The following FAM81A variants were observed in gnomAD, a reference collection of about 807,000 sequenced individuals.
FAM81A encodes the protein family with sequence similarity 81 member A.
In FAM81A, 19 loss-of-function variants were observed where a neutral mutation model predicts 46.7. The observed-to-expected ratio is 0.41, with a 90% CI of 0.28 to 0.60. FAM81A has a LOEUF of 0.60. Ranked by LOEUF, FAM81A falls within the 20% of genes least tolerant of loss-of-function variation. The probability of loss-of-function intolerance (pLI) is 0.34; values close to 1 mark genes in which losing one functional copy is unlikely to be tolerated. For synonymous variants in FAM81A, 183 were observed against 152.9 expected (o/e 1.20, Z -1.45); for missense variants, 377 against 453.5 (o/e 0.83, Z 1.53).
At chr15:59,466,879 T>C (rs1283730075) in intron 3 of FAM81A, among the ~76,000 whole-genome samples, 2 of 152,192 alleles carry the variant, frequency 1.3e-5, no homozygotes, top group Non-Finnish European at 1.5e-5. Context: ...GAATTAGTTT[T>C]TGTATAAGGT....
intron 3 of FAM81A, among the ~76,000 whole-genome samples, chr15:59,466,498 C>T (rs1418288921): frequency 7.2e-5 from 11 of 152,098 alleles, no homozygotes; most frequent in Non-Finnish European, 1.6e-4. Context: ...GCTGCATAGA[C>T]GTCTTCTTTT....
intron 7 of FAM81A, 75 bp downstream of exon 7, chr15:59,514,499 A>G: frequency 2.0e-6 from 3 of 1,487,624 alleles, no homozygotes; most frequent in Non-Finnish European, 9.0e-7. Flanking sequence ...AATAATACCT[A>G]GTAATTTATC....
chr15:59,485,232 C>T (rs2081903152), intron 3 of FAM81A, among the ~76,000 whole-genome samples: 1 of 152,222 alleles, frequency 6.6e-6, no homozygotes, highest in Non-Finnish European at 1.5e-5. Context: ...GGCTTCACCA[C>T]TTGCTGATTG....
intron 1 of FAM81A, among the ~76,000 whole-genome samples, chr15:59,442,834 TAC>T (rs1217184624): frequency 6.6e-6 from 1 of 152,240 alleles, no homozygotes; most frequent in Non-Finnish European, 1.5e-5. Context: ...CACATATGTA[TAC>T]ACACACACAA....
chr15:59,402,845 C>T (rs547136189), intron 2 of FAM81A, among the ~76,000 whole-genome samples: 30 of 152,278 alleles, frequency 2.0e-4, no homozygotes, highest in Non-Finnish European at 3.4e-4. Flanking sequence ...TGAGCCACCA[C>T]GCCCGGCCTC....
At chr15:59,467,164 T>G (rs761396949) in intron 3 of FAM81A, among the ~76,000 whole-genome samples, 1 of 152,202 alleles carries the variant, frequency 6.6e-6, no homozygotes, top group African/African-American at 2.4e-5. Flanking sequence ...TTGTTCTTTT[T>G]GCTTAGGATT....
chr15:59,522,387 C>T lies in FAM81A; in HGVS notation c.*1009C>T, dbSNP rs1429783999. On this transcript the variant is annotated 3_prime_UTR_variant, in exon 9 of 9. Coordinates refer to ENST00000288228, the MANE Select transcript of FAM81A (RefSeq NM_152450.3). The stretch of plus-strand genomic sequence containing the variant: ...AAGTATGATGTAAAACTGGAATCCT[C>T]TGTATTTTTTAAATGTTCTAAAAAT... 1 of 152,618 alleles carries T rather than the reference C, an allele frequency of 6.6e-6. No individual in the cohort carries two copies. Among genetic ancestry groups the T allele is most frequent in the Non-Finnish European group, 1.5e-5 (1 of 68,032 alleles). 9.5% of individuals were successfully genotyped at this position (152,618 alleles called of 1,614,324 possible). A position where few individuals can be genotyped will look rare whatever the true frequency, so the allele number is the denominator to read the frequency against.
rs1209047907 is a variant in FAM81A at position 59,523,229 on chromosome 15, G to C, written c.*1851G>C. On this transcript the variant is annotated 3_prime_UTR_variant, in exon 9 of 9. Coordinates refer to ENST00000288228, the MANE Select transcript of FAM81A (RefSeq NM_152450.3). ...CTTGGCTGTCAGCTGAGCTTCTCAG[G>C]TGCTTCTGACATTGCCAGCCCCTTG... 1 of 152,264 alleles carries C rather than the reference G, an allele frequency of 6.6e-6. No individual in the cohort carries two copies. The highest frequency in any genetic ancestry group is 1.5e-5 in the Non-Finnish European group (1 of 68,070). The allele number at this position is 152,264 out of a possible 1,614,324, so 9.4% of individuals were successfully genotyped here.
intron 3 of FAM81A, among the ~76,000 whole-genome samples, chr15:59,479,465 T>G (rs1332429144): frequency 2.1e-5 from 3 of 143,648 alleles, no homozygotes; most frequent in Non-Finnish European, 3.0e-5. Context: ...GAGCTGAGAT[T>G]GTGCCATTGC....
chr15:59,492,187 T>A, intron 3 of FAM81A, 84 bp from the exon 4 acceptor site: 1 of 997,932 alleles, frequency 1.0e-6, no homozygotes, highest in Non-Finnish European at 1.5e-6. Context: ...TTAAACATTC[T>A]TATTTTTGCC....
At chr15:59,434,524 C>T (rs935476754), upstream of FAM81A, among the ~76,000 whole-genome samples, 2 of 152,216 alleles carry the variant, frequency 1.3e-5, no homozygotes, top group Non-Finnish European at 2.9e-5. Context: ...TTCTGCAGGA[C>T]TTGTCCCCTG....
chr15:59,449,955 G>A (rs1326186210), intron 1 of FAM81A, among the ~76,000 whole-genome samples: 2 of 149,176 alleles, frequency 1.3e-5, no homozygotes, highest in Non-Finnish European at 3.0e-5. Context: ...AAAATCTCAC[G>A]CTGTTGCCCA....
intron 1 of FAM81A, among the ~76,000 whole-genome samples, chr15:59,441,728 T>A (rs1451350941): frequency 1.3e-5 from 2 of 152,210 alleles, no homozygotes; most frequent in Non-Finnish European, 2.9e-5. Context: ...CCTCTGTATC[T>A]CCCTGTCTCC....
intron 4 of FAM81A, among the ~76,000 whole-genome samples, chr15:59,496,032 C>T (rs1375644498): frequency 6.6e-6 from 1 of 152,120 alleles, no homozygotes; most frequent in African/African-American, 2.4e-5. Context: ...TTATATCTAA[C>T]ATCTATCTTT....
intron 3 of FAM81A, among the ~76,000 whole-genome samples, chr15:59,485,411 CAAAG>C (rs2081905863): frequency 6.6e-6 from 1 of 152,128 alleles, no homozygotes; most frequent in Non-Finnish European, 1.5e-5. Flanking sequence ...TAGCTCAGCA[CAAAG>C]AAAGAAAGAC....
intron 8 of FAM81A, 71 bp from the exon 9 acceptor site, chr15:59,521,183 A>G: frequency 6.5e-7 from 1 of 1,529,556 alleles, no homozygotes; most frequent in Non-Finnish European, 8.8e-7. Context: ...AACCATTACT[A>G]GATACTATAG....
chr15:59,473,000 G>C (rs1473527624), intron 3 of FAM81A, among the ~76,000 whole-genome samples: 1 of 152,096 alleles, frequency 6.6e-6, no homozygotes, highest in African/African-American at 2.4e-5. Context: ...CAAAATTGAA[G>C]AACCCCAACT....
rs748310074 is a variant in FAM81A, at chr15:59,514,279, T to G, written c.651-10T>G. Reference sequence around the variant, plus strand: ...TGTTTTACATCTAACTTGCAATTTTTTTTTTTTAGATTTAAAGGTACAGTT... The same window carrying G: ...TGTTTTACATCTAACTTGCAATTTTGTTTTTTTAGATTTAAAGGTACAGTT... On this transcript the variant is annotated splice_polypyrimidine_tract_variant and intron_variant, in intron 6 of 8. Transcript: ENST00000288228. 3.2e-6 allele frequency: 5 copies of G among 1,561,122 alleles called. No homozygotes were observed. In the South Asian group the frequency reaches 4.9e-5, roughly 15 times the overall value.
chr15:59,441,887 C>A (rs1371805267), intron 1 of FAM81A, among the ~76,000 whole-genome samples: 1 of 152,206 alleles, frequency 6.6e-6, no homozygotes, highest in Non-Finnish European at 1.5e-5. Context: ...ACCTCTGAGC[C>A]CGCAGTAGTA....
Sources: allele counts gnomAD v4.1 joint callset (sites outside exome capture counted in the v4.1 genomes callset), GRCh38; gene constraint gnomAD v4.1.1; transcripts MANE v1.5; gene names NCBI Gene and HGNC (gene_info 2026-07-23, HGNC 2026-07-21).